KATNAL2: variants seen among roughly 807,000 people sequenced by gnomAD.
The protein encoded by KATNAL2 is katanin p60 ATPase-containing subunit A-like 2.
Under a neutral mutation model 76.3 loss-of-function variants are expected in KATNAL2, and 52 were observed. The observed-to-expected ratio is 0.68, with a 90% CI of 0.55 to 0.86. The LOEUF (loss-of-function observed/expected upper bound fraction) is 0.86, where lower values mean the gene tolerates loss of function less well. Among genes scored for constraint, KATNAL2 ranks in the 40% least tolerant of loss-of-function variants. The pLI, the probability that KATNAL2 is intolerant of heterozygous loss-of-function variation, is 0.00. For missense variants in KATNAL2, 660 were observed against 668.9 expected (o/e 0.99, Z 0.15); for synonymous variants, 243 against 244.2 (o/e 1.00, Z 0.05).
chr18:46,931,973 C>A (rs981587069), intron 1 of KATNAL2, among the ~76,000 whole-genome samples: 1 of 150,188 alleles, frequency 6.7e-6, no homozygotes, highest in Admixed American at 6.6e-5. Context: ...AGTGCACTGG[C>A]GATCTTGGCT....
chr18:47,098,190 T>A, intron 15 of KATNAL2: 1 of 356,242 alleles, frequency 2.8e-6, no homozygotes, highest in Non-Finnish European at 5.4e-6. Flanking sequence ...GCCATTGCAC[T>A]CCAGCCTGGC....
intron 1 of KATNAL2, among the ~76,000 whole-genome samples, chr18:46,932,151 T>C (rs1599339399): frequency 6.6e-6 from 1 of 152,070 alleles, no homozygotes; most frequent in Non-Finnish European, 1.5e-5. Flanking sequence ...GACCTCGTGA[T>C]CCGCCCGCCT....
At chr18:47,039,055 C>G (rs988129916) in intron 3 of KATNAL2, among the ~76,000 whole-genome samples, 1 of 152,226 alleles carries the variant, frequency 6.6e-6, no homozygotes, top group East Asian at 1.9e-4. Flanking sequence ...GTGTGATAAC[C>G]AGTTCTTTTA....
At chr18:47,034,780 G>A in intron 3 of KATNAL2, 1 of 1,612,566 alleles carries the variant, frequency 6.2e-7, no homozygotes, top group Non-Finnish European at 8.5e-7. Flanking sequence ...GGAATCAGCT[G>A]GGGCTATTCT....
chr18:46,921,693 CAA>C (rs34156817), intron 1 of KATNAL2, among the ~76,000 whole-genome samples: 1,573 of 137,926 alleles, frequency 0.011, 14 homozygotes, highest in Non-Finnish European at 0.018. Context: ...AAACACATAA[CAA>C]AAAAAAAAAA....
At chr18:47,073,871 T>C (rs186871114) in intron 13 of KATNAL2, among the ~76,000 whole-genome samples, 6 of 152,362 alleles carry the variant, frequency 3.9e-5, no homozygotes, top group East Asian at 3.9e-4. Flanking sequence ...GAAAGAGCAA[T>C]GCAGAGGACA....
chr18:47,033,991 T>C (rs772864324), intron 3 of KATNAL2: 1 of 1,613,782 alleles, frequency 6.2e-7, no homozygotes, highest in South Asian at 1.1e-5. Flanking sequence ...CTTAGCCGAA[T>C]CCCAGGACTC....
At chr18:47,060,720 G>A (rs556338505) in intron 8 of KATNAL2, among the ~76,000 whole-genome samples, 27 of 152,144 alleles carry the variant, frequency 1.8e-4, no homozygotes, top group Non-Finnish European at 3.7e-4. Context: ...TTGGAGGGGT[G>A]ACTGGAGCAT....
chr18:46,951,159 A>C (rs1009283966), intron 3 of KATNAL2, among the ~76,000 whole-genome samples: 1 of 152,076 alleles, frequency 6.6e-6, no homozygotes, highest in African/African-American at 2.4e-5. Flanking sequence ...CATAATTTTC[A>C]TTAAATCAAT....
At chr18:46,953,245 C>G (rs1161689802) in intron 3 of KATNAL2, among the ~76,000 whole-genome samples, 1 of 152,102 alleles carries the variant, frequency 6.6e-6, no homozygotes, top group African/African-American at 2.4e-5. Flanking sequence ...TCTGTTTCCC[C>G]TTATGTTCCT....
At chr18:47,033,972 A>G in intron 3 of KATNAL2, 1 of 1,613,408 alleles carries the variant, frequency 6.2e-7, no homozygotes, top group South Asian at 1.1e-5. Flanking sequence ...CCTGGACAGG[A>G]GGCAATTTCT....
chr18:47,073,597 T>C (rs1047644364), intron 13 of KATNAL2, among the ~76,000 whole-genome samples: 1 of 152,228 alleles, frequency 6.6e-6, no homozygotes, highest in Non-Finnish European at 1.5e-5. Flanking sequence ...TTGTTTCTCT[T>C]TCTATTCCAA....
chr18:47,094,827 C>A (rs2063158418), intron 15 of KATNAL2, among the ~76,000 whole-genome samples: 1 of 152,170 alleles, frequency 6.6e-6, no homozygotes, highest in Non-Finnish European at 1.5e-5. Context: ...TGTTTCCCAG[C>A]CTGGAGACCC....
intron 15 of KATNAL2, chr18:47,098,130 A>G (rs2063327308): frequency 5.3e-6 from 1 of 189,104 alleles, no homozygotes; most frequent in Admixed American, 5.9e-5. Context: ...TCAAGATGGT[A>G]TGTATATAGA....
At chr18:47,071,953 CT>C (rs574265545) in intron 13 of KATNAL2, among the ~76,000 whole-genome samples, 5 of 43,952 alleles carry the variant, frequency 1.1e-4, no homozygotes, top group Non-Finnish European at 1.4e-4. Context: ...CCAATTTCTT[CT>C]TTTTTTTTTT....
intron 1 of KATNAL2, among the ~76,000 whole-genome samples, chr18:46,943,830 C>T (rs1320799816): frequency 6.6e-6 from 1 of 152,172 alleles, no homozygotes; most frequent in Non-Finnish European, 1.5e-5. Context: ...ATTTAGCATC[C>T]CCAAACTTCT....
At chr18:46,949,008 T>G (rs2059469475) in intron 3 of KATNAL2, among the ~76,000 whole-genome samples, 1 of 151,856 alleles carries the variant, frequency 6.6e-6, no homozygotes, top group Admixed American at 6.6e-5. Flanking sequence ...GGGATCCTCC[T>G]GCCTCAGCCT....
At chr18:46,955,451 T>A (rs1157644677) in intron 3 of KATNAL2, among the ~76,000 whole-genome samples, 2 of 152,040 alleles carry the variant, frequency 1.3e-5, no homozygotes, top group East Asian at 3.9e-4. Context: ...CTTGAACTCC[T>A]GACCTCAGGT....
At chr18:46,956,590 T>C (rs2059754649) in intron 3 of KATNAL2, among the ~76,000 whole-genome samples, 1 of 151,940 alleles carries the variant, frequency 6.6e-6, no homozygotes. Flanking sequence ...TATATTTGAA[T>C]GTTTACTGGT....
Sources: gnomAD v4.1 joint callset for allele counts (sites outside exome capture counted in the v4.1 genomes callset) on GRCh38, gnomAD v4.1.1 for gene constraint, MANE v1.5 for transcripts, NCBI Gene and HGNC (gene_info 2026-07-23, HGNC 2026-07-21) for gene names.